MAP2K5: variants seen among roughly 807,000 people sequenced by gnomAD.
MAP2K5 encodes the protein mitogen-activated protein kinase kinase 5.
MAP2K5 carries 49 observed loss-of-function variants against 83.1 expected under a neutral mutation model. That is an observed-to-expected ratio of 0.59 (90% CI 0.47 to 0.75). The LOEUF (loss-of-function observed/expected upper bound fraction) is 0.75, where lower values mean the gene tolerates loss of function less well. Ranked by LOEUF, MAP2K5 falls within the 30% of genes least tolerant of loss-of-function variation. MAP2K5 has a pLI of 0.00. For synonymous variants in MAP2K5, 202 were observed against 191.8 expected (o/e 1.05, Z -0.44); for missense variants, 457 against 557.5 (o/e 0.82, Z 1.82).
At chr15:67,574,083 G>A (rs941496651) in intron 3 of MAP2K5, among the ~76,000 whole-genome samples, 4 of 152,078 alleles carry the variant, frequency 2.6e-5, no homozygotes, top group African/African-American at 9.7e-5. Context: ...TTTCTGGCAC[G>A]ACATCCAAGA....
chr15:67,678,017 A>G (rs567421726), intron 13 of MAP2K5, among the ~76,000 whole-genome samples: 2 of 152,300 alleles, frequency 1.3e-5, no homozygotes, highest in East Asian at 3.9e-4. Flanking sequence ...TATGTGATGG[A>G]GTCATTAGAA....
At chr15:67,632,869 G>C (rs1394615169) in intron 9 of MAP2K5, among the ~76,000 whole-genome samples, 1 of 152,176 alleles carries the variant, frequency 6.6e-6, no homozygotes, top group Non-Finnish European at 1.5e-5. Context: ...ATCACATCTA[G>C]TACAGCACCT....
Position 67,770,782 on chromosome 15 carries a change from T to G in MAP2K5, c.1196+1119T>G, listed in dbSNP as rs1332013322. 6.6e-6 allele frequency among the ~76,000 whole-genome samples: 1 copy of G among 152,210 alleles called. No homozygotes were observed. The highest frequency in any genetic ancestry group is 1.5e-5 in the Non-Finnish European group (1 of 68,032). On this transcript the variant is annotated intron_variant, in intron 20 of 21. Transcript: ENST00000178640. This position sits in a 1 kb window ranked among gnomAD's most constrained non-coding sequence, Gnocchi z 5.0. ...AATATAAATGTCAAGCTTTATCACC[T>G]TTTTGACTAAGTGTAACATGTTACC...
At position 67,767,815 on chromosome 15, in the gene MAP2K5, T is replaced by C. The variant is rs150854339; in HGVS notation, c.1135-1787T>C. Among the ~76,000 whole-genome samples the C allele has an allele frequency of 4.6e-3, 701 of 152,338 alleles. 3 individuals carry two copies. Among genetic ancestry groups the C allele is most frequent in the African/African-American group, 0.016 (675 of 41,588 alleles). On this transcript the variant is annotated intron_variant, in intron 19 of 21. Transcript: ENST00000178640. ...TCAGCCACCCATCCACCTCCGTTTT[T>C]CATGTCGTCTCTGTGTAATGCCTGC...
At chr15:67,707,494 C>G (rs1005944313) in intron 16 of MAP2K5, among the ~76,000 whole-genome samples, 6 of 152,334 alleles carry the variant, frequency 3.9e-5, no homozygotes, top group Non-Finnish European at 5.9e-5. Flanking sequence ...AAACAAAATT[C>G]TCTTTCTAGT....
chr15:67,550,793 G>A (rs755211772), intron 2 of MAP2K5, among the ~76,000 whole-genome samples: 6 of 141,194 alleles, frequency 4.2e-5, no homozygotes, highest in Non-Finnish European at 9.1e-5. Context: ...TTTTTTTGCC[G>A]CAGACTCTCA....
chr15:67,563,244 A>G lies in MAP2K5; in HGVS notation c.185-39A>G, dbSNP rs1265457822. On this transcript the variant is annotated intron_variant, in intron 2 of 21. Coordinates refer to ENST00000178640, the MANE Select transcript of MAP2K5 (RefSeq NM_145160.3). This position sits in a 1 kb window ranked among gnomAD's most constrained non-coding sequence, Gnocchi z 4.5. Reference sequence around the variant, plus strand: ...TATGTTCCCTTTGTGCATTAAACAAATGCACACCTTATCATTTGCATTATG... The same window carrying G: ...TATGTTCCCTTTGTGCATTAAACAAGTGCACACCTTATCATTTGCATTATG... 6.3e-7 allele frequency: 1 copy of G among 1,598,986 alleles called. No homozygotes were observed. The highest frequency in any genetic ancestry group is 1.8e-5 in the Admixed American group (1 of 56,816).
In MAP2K5 at chr15:67,594,939, G is replaced by A. The variant is rs111356803; in HGVS notation, c.480+1965G>A. Among the ~76,000 whole-genome samples the A allele has an allele frequency of 4.1e-3, 622 of 152,268 alleles. 6 individuals carry two copies. The highest frequency in any genetic ancestry group is 0.014 in the African/African-American group (593 of 41,546). ...GCATTGCAGTGAGGTACTGTGCACA[G>A]TTGTAGGCATCAATAAATTTCTGGG... On this transcript the variant is annotated intron_variant, in intron 7 of 21. Transcript: ENST00000178640.
rs1231348207 is a variant in MAP2K5, at chr15:67,677,446, A to G, written c.847+12801A>G. Among the ~76,000 whole-genome samples the G allele has an allele frequency of 1.3e-5, 2 of 152,236 alleles. No homozygotes were observed. Among genetic ancestry groups the G allele is most frequent in the Non-Finnish European group, 2.9e-5 (2 of 68,032 alleles). On this transcript the variant is annotated intron_variant, in intron 13 of 21. Coordinates refer to ENST00000178640, the MANE Select transcript of MAP2K5 (RefSeq NM_145160.3). The surrounding 1 kb of genome is among the most constrained non-coding windows in gnomAD (Gnocchi z 4.2). ...ATATATTAAGTGCCAAGTAAGTGTT[A>G]TCTACCATAATTTTTTGTTATTTCT...
At chr15:67,641,304 A>G (rs1161025138) in intron 9 of MAP2K5, 1 of 172,342 alleles carries the variant, frequency 5.8e-6, no homozygotes, top group East Asian at 1.9e-4. Flanking sequence ...AATCATTTGT[A>G]TACTGACTAT....
At chr15:67,761,243 TC>T (rs61101319) in intron 19 of MAP2K5, among the ~76,000 whole-genome samples, 40,556 of 151,974 alleles carry the variant, frequency 0.27, 6,185 homozygotes, top group East Asian at 0.53. Flanking sequence ...TTTTTTCATT[TC>T]CTCTTCTTCC....
chr15:67,544,668 A>C (rs16950958), intron 1 of MAP2K5, among the ~76,000 whole-genome samples: 4,197 of 152,334 alleles, frequency 0.028, 175 homozygotes, highest in African/African-American at 0.091. Context: ...GGAAGACAGA[A>C]GCGGACATTC....
intron 19 of MAP2K5, among the ~76,000 whole-genome samples, chr15:67,753,895 C>T (rs1252355537): frequency 6.6e-6 from 1 of 152,178 alleles, no homozygotes; most frequent in Non-Finnish European, 1.5e-5. Context: ...CGCATAAAAA[C>T]TTATACATGA....
intron 19 of MAP2K5, among the ~76,000 whole-genome samples, chr15:67,763,463 CCT>C (rs542173688): frequency 1.0e-3 from 158 of 152,202 alleles, no homozygotes; most frequent in African/African-American, 3.6e-3. Context: ...TTTTTTCTCC[CCT>C]GTCTACATTC....
intron 7 of MAP2K5, among the ~76,000 whole-genome samples, chr15:67,599,893 A>G (rs1230109521): frequency 6.6e-6 from 1 of 152,158 alleles, no homozygotes; most frequent in Non-Finnish European, 1.5e-5. Flanking sequence ...AGCTCTCTAA[A>G]CTCTAAAACA....
chr15:67,566,116 C>T (rs1259502232), intron 3 of MAP2K5, among the ~76,000 whole-genome samples: 1 of 152,154 alleles, frequency 6.6e-6, no homozygotes, highest in African/African-American at 2.4e-5. Flanking sequence ...AGGGAAGATA[C>T]TGACAGATTA....
rs980551696 is a variant in MAP2K5 at position 67,778,133 on chromosome 15, T to C, written c.1242+5381T>C. On this transcript the variant is annotated intron_variant, in intron 21 of 21. Coordinates refer to ENST00000178640, the MANE Select transcript of MAP2K5 (RefSeq NM_145160.3). This position sits in a 1 kb window ranked among gnomAD's most constrained non-coding sequence, Gnocchi z 5.0. ...GGGGCTAATAAACACCAAACTGCTC[T>C]AGAAAAATCTGTTTAAACATTTAAT... Among the ~76,000 whole-genome samples the C allele has an allele frequency of 1.3e-5, 2 of 152,230 alleles. No individual in the cohort carries two copies. Among genetic ancestry groups the C allele is most frequent in the Non-Finnish European group, 2.9e-5 (2 of 68,042 alleles).
intron 15 of MAP2K5, among the ~76,000 whole-genome samples, chr15:67,697,977 T>A (rs1273153610): frequency 1.3e-5 from 2 of 152,168 alleles, no homozygotes; most frequent in South Asian, 2.1e-4. Context: ...ACCTCCCCAT[T>A]GACCAGTGAG....
intron 9 of MAP2K5, chr15:67,642,531 C>A (rs1268591583): frequency 3.3e-6 from 4 of 1,223,242 alleles, no homozygotes; most frequent in Admixed American, 1.7e-5. Context: ...GGCATTCAAG[C>A]TGGGTCTAAA....
Sources: allele counts gnomAD v4.1 joint callset (sites outside exome capture counted in the v4.1 genomes callset), GRCh38; gene constraint gnomAD v4.1.1; non-coding constraint Gnocchi (gnomAD v3.1); transcripts MANE v1.5; gene names NCBI Gene and HGNC (gene_info 2026-07-23, HGNC 2026-07-21).